Variants in PRKN observed in about 807,000 individuals in gnomAD.
The protein encoded by PRKN is E3 ubiquitin-protein ligase parkin.
In PRKN, 56 loss-of-function variants were observed where a neutral mutation model predicts 59.5. That is an observed-to-expected ratio of 0.94 (90% CI 0.76 to 1.18). The LOEUF (loss-of-function observed/expected upper bound fraction) is 1.18, where lower values mean the gene tolerates loss of function less well. Ranked by LOEUF, PRKN falls within the 50% of genes most tolerant of loss-of-function variation. The pLI, the probability that PRKN is intolerant of heterozygous loss-of-function variation, is 0.00. For missense variants in PRKN, 657 were observed against 596.4 expected (o/e 1.10, Z -1.06); for synonymous variants, 250 against 222.1 (o/e 1.13, Z -1.12).
chr6:161,805,478 A>ACACACACACACACATG (rs61442187), intron 6 of PRKN, among the ~76,000 whole-genome samples: 128 of 149,462 alleles, frequency 8.6e-4, no homozygotes, highest in African/African-American at 2.6e-3. Context: ...ACACACACAC[A>ACACACACACACACATG]CATGCATGTA....
intron 7 of PRKN, among the ~76,000 whole-genome samples, chr6:161,702,893 A>G (rs1786312238): frequency 6.6e-6 from 1 of 152,148 alleles, no homozygotes; most frequent in African/African-American, 2.4e-5. Context: ...TATTATAATA[A>G]ACCAATTTTG....
intron 6 of PRKN, among the ~76,000 whole-genome samples, chr6:161,844,796 C>G (rs1477450396): frequency 6.6e-6 from 1 of 152,232 alleles, no homozygotes; most frequent in Non-Finnish European, 1.5e-5. Flanking sequence ...AGCAGAATCA[C>G]ACGCTTCGCT....
intron 5 of PRKN, among the ~76,000 whole-genome samples, chr6:162,037,455 G>A (rs559963003): frequency 4.6e-5 from 7 of 151,884 alleles, no homozygotes; most frequent in Non-Finnish European, 8.8e-5. Flanking sequence ...ACACACACAC[G>A]CACATGGAAA....
chr6:162,465,473 A>G (rs1791371505), intron 1 of PRKN, among the ~76,000 whole-genome samples: 1 of 152,196 alleles, frequency 6.6e-6, no homozygotes, highest in Non-Finnish European at 1.5e-5. Context: ...AGACATAAAT[A>G]GTGTCAGTGA....
At chr6:161,511,431 A>T (rs1778388105) in intron 9 of PRKN, among the ~76,000 whole-genome samples, 1 of 152,226 alleles carries the variant, frequency 6.6e-6, no homozygotes, top group Non-Finnish European at 1.5e-5. Flanking sequence ...TGTCAACTGG[A>T]AACAAATCCC....
chr6:162,211,007 C>T (rs1362784346), intron 3 of PRKN, among the ~76,000 whole-genome samples: 1 of 152,120 alleles, frequency 6.6e-6, no homozygotes, highest in Non-Finnish European at 1.5e-5. Flanking sequence ...AAAACACAAG[C>T]TAATGGGTTG....
At chr6:162,312,602 G>A (rs1186568772) in intron 2 of PRKN, among the ~76,000 whole-genome samples, 3 of 152,126 alleles carry the variant, frequency 2.0e-5, no homozygotes, top group African/African-American at 4.8e-5. Flanking sequence ...GATGACAGGG[G>A]ATAACACACA....
At chr6:162,498,686 G>A (rs752676552) in intron 1 of PRKN, among the ~76,000 whole-genome samples, 1 of 151,114 alleles carries the variant, frequency 6.6e-6, no homozygotes, top group East Asian at 2.0e-4. Context: ...ATAAACTGCC[G>A]CCTTTAAGTG....
chr6:162,385,897 T>C (rs1786777559), intron 2 of PRKN, among the ~76,000 whole-genome samples: 1 of 152,158 alleles, frequency 6.6e-6, no homozygotes. Flanking sequence ...CCAAAGTTTT[T>C]CAAAAAGTAA....
At chr6:162,604,371 G>C (rs1781824288) in intron 1 of PRKN, among the ~76,000 whole-genome samples, 1 of 152,104 alleles carries the variant, frequency 6.6e-6, no homozygotes, top group African/African-American at 2.4e-5. Context: ...CAAATACCTT[G>C]CTTTCCCCTG....
At chr6:161,450,513 A>G (rs1789681574) in intron 9 of PRKN, among the ~76,000 whole-genome samples, 1 of 152,160 alleles carries the variant, frequency 6.6e-6, no homozygotes, top group Non-Finnish European at 1.5e-5. Flanking sequence ...AAGTTTCAGC[A>G]TATCTATAAA....
At chr6:161,896,936 T>G (rs1777650335) in intron 6 of PRKN, among the ~76,000 whole-genome samples, 1 of 152,204 alleles carries the variant, frequency 6.6e-6, no homozygotes, top group Non-Finnish European at 1.5e-5. Context: ...GCACGCACAG[T>G]CACGTACAGC....
intron 6 of PRKN, among the ~76,000 whole-genome samples, chr6:161,969,239 G>A (rs1297431159): frequency 6.7e-6 from 1 of 148,256 alleles, no homozygotes; most frequent in Non-Finnish European, 1.5e-5. Flanking sequence ...AATGATGTCT[G>A]TAAAATAATA....
At chr6:162,293,583 T>C (rs1437030052) in intron 2 of PRKN, among the ~76,000 whole-genome samples, 1 of 152,140 alleles carries the variant, frequency 6.6e-6, no homozygotes, top group East Asian at 1.9e-4. Context: ...CCTCCACTTT[T>C]TCGAGTGCTC....
chr6:162,513,487 GAAA>G (rs775825263), intron 1 of PRKN, among the ~76,000 whole-genome samples: 14,962 of 150,268 alleles, frequency 0.1, 1,077 homozygotes, highest in South Asian at 0.19. Context: ...GAAAAGAAAA[GAAA>G]AGAGGGAAAG....
intron 6 of PRKN, among the ~76,000 whole-genome samples, chr6:161,845,273 C>G (rs1203819045): frequency 6.6e-6 from 1 of 152,186 alleles, no homozygotes; most frequent in Non-Finnish European, 1.5e-5. Flanking sequence ...CTGGTGGCGT[C>G]TGTCCAGAAG....
intron 2 of PRKN, among the ~76,000 whole-genome samples, chr6:162,296,911 T>C (rs1781700270): frequency 6.6e-6 from 1 of 152,146 alleles, no homozygotes; most frequent in Non-Finnish European, 1.5e-5. Context: ...CTAATCCATT[T>C]TTAAAAAAGA....
rs550312048 is a variant in PRKN at position 161,400,310 on chromosome 6, CTT to C, written c.1084-13435_1084-13434del. On this transcript the variant is annotated intron_variant, in intron 9 of 11. Transcript: ENST00000366898. The surrounding 1 kb of genome is among the most constrained non-coding windows in gnomAD (Gnocchi z 4.2). ...GGAAGATTAGAAAATTAAACCTAAT[CTT>C]TTTTTTTTTTTTGAGATGGAATTTC... Among the ~76,000 whole-genome samples the C allele has an allele frequency of 1.2e-4, 17 of 144,604 alleles. No homozygotes were observed. The highest frequency in any genetic ancestry group is 4.5e-4 in the South Asian group (2 of 4,462). 94.9% of individuals were successfully genotyped at this position (144,604 alleles called of 152,430 possible).
At chr6:162,615,813 G>T (rs900792214) in intron 1 of PRKN, among the ~76,000 whole-genome samples, 4 of 151,734 alleles carry the variant, frequency 2.6e-5, no homozygotes, top group Non-Finnish European at 2.9e-5. Context: ...ACTTGTCAGG[G>T]GACATGTGGG....
Sources: gnomAD v4.1 joint callset for allele counts (sites outside exome capture counted in the v4.1 genomes callset) on GRCh38, gnomAD v4.1.1 for gene constraint, Gnocchi (gnomAD v3.1) non-coding constraint, MANE v1.5 for transcripts, NCBI Gene and HGNC (gene_info 2026-07-23, HGNC 2026-07-21) for gene names.